Variants in DLX3 observed in about 807,000 individuals in gnomAD.
DLX3 encodes homeobox protein DLX-3.
A neutral mutation model predicts 28.0 loss-of-function variants in DLX3; 9 were observed. The observed-to-expected ratio is 0.32, with a 90% CI of 0.19 to 0.56. The LOEUF (loss-of-function observed/expected upper bound fraction) is 0.56. Ranked by LOEUF, DLX3 falls within the 20% of genes least tolerant of loss-of-function variation. DLX3 has a pLI of 0.91. For missense variants in DLX3, 313 were observed against 378.2 expected (o/e 0.83, Z 1.43); for synonymous variants, 154 against 167.9 (o/e 0.92, Z 0.64).
rs960249725 is a variant in DLX3 at position 49,991,324 on chromosome 17, G to T, written c.*193C>A. 11 of 586,170 alleles carry T rather than the reference G, an allele frequency of 1.9e-5. No individual in the cohort carries two copies. Among genetic ancestry groups the T allele is most frequent in the African/African-American group, 1.3e-4 (7 of 53,508 alleles). The allele number at this position is 586,170 out of a possible 1,614,324, so 36.3% of individuals were successfully genotyped here. A position where few individuals can be genotyped will look rare whatever the true frequency, so the allele number is the denominator to read the frequency against. ...TACCCCAGTGTCTAGGCAGAGGGAG[G>T]GAGGTTCAGGGGGCATCCTTGGTCC... On this transcript the variant is annotated 3_prime_UTR_variant, in exon 3 of 3. Transcript: ENST00000434704.
At chr17:49,993,213 A>G (rs1906153084) in intron 2 of DLX3, among the ~76,000 whole-genome samples, 187 bp downstream of exon 2, 1 of 152,234 alleles carries the variant, frequency 6.6e-6, no homozygotes, top group Non-Finnish European at 1.5e-5. Flanking sequence ...CGGGTTCACA[A>G]CTATGCTCAC....
At position 49,991,377 on chromosome 17, in the gene DLX3, G is replaced by T; in HGVS notation, c.*140C>A. 1.3e-6 allele frequency: 1 copy of T among 764,692 alleles called. No homozygotes were observed. 47.4% of individuals were successfully genotyped at this position (764,692 alleles called of 1,614,324 possible). ...GCAATTGTCATCTGGAAGCGCTTGG[G>T]TCCCTGGAGGAAGGGGCAAGGGAGG... On this transcript the variant is annotated 3_prime_UTR_variant, in exon 3 of 3. Transcript: ENST00000434704.
chr17:49,993,637 C>G, intron 1 of DLX3, 47 bp from the exon 2 acceptor site: 1 of 1,590,434 alleles, frequency 6.3e-7, no homozygotes, highest in South Asian at 1.1e-5. Flanking sequence ...CAGCCTCGGC[C>G]TGCGACTCCT....
chr17:49,994,612 C>T, intron 1 of DLX3, 62 bp downstream of exon 1: 3 of 1,595,122 alleles, frequency 1.9e-6, no homozygotes, highest in South Asian at 1.1e-5. Context: ...CAGTCCATGC[C>T]TTTTCCTCCC....
intron 1 of DLX3, among the ~76,000 whole-genome samples, chr17:49,993,939 T>TC (rs1906192572): frequency 6.6e-6 from 1 of 151,924 alleles, no homozygotes; most frequent in South Asian, 2.1e-4. Flanking sequence ...GCCGCCCCCT[T>TC]CCCAGTCCCA....
chr17:49,992,259 C>T (rs1311627262), intron 2 of DLX3, among the ~76,000 whole-genome samples: 6 of 152,088 alleles, frequency 3.9e-5, no homozygotes, highest in Admixed American at 2.6e-4. Context: ...AATAAAAGGC[C>T]GTTGAGGTGG....
Position 49,991,942 on chromosome 17 carries a change from A to G in DLX3, c.517-78T>C, listed in dbSNP as rs953323200. Reference sequence around the variant, plus strand: ...ACCCTGGGAAGAACCTAGCCAAGAAAAAGAAAGGCCAGAACCCAATTTCAC... The same window carrying G: ...ACCCTGGGAAGAACCTAGCCAAGAAGAAGAAAGGCCAGAACCCAATTTCAC... On this transcript the variant is annotated intron_variant, in intron 2 of 2. Transcript: ENST00000434704. The G allele has an allele frequency of 1.4e-5, 20 of 1,436,300 alleles. No homozygotes were observed. In the Admixed American group the frequency reaches 3.6e-4, roughly 26 times the overall value. 89.0% of individuals were successfully genotyped at this position (1,436,300 alleles called of 1,614,324 possible). A position where few individuals can be genotyped will look rare whatever the true frequency, so the allele number is the denominator to read the frequency against.
At position 49,995,204 on chromosome 17, in the gene DLX3, C is replaced by G. The variant is rs1906237566; in HGVS notation, c.-206G>C. On this transcript the variant is annotated 5_prime_UTR_variant, in exon 1 of 3. Transcript: ENST00000434704. ...GGTCGCTGCGCGCCTCTCCTCGCGT[C>G]CCAAGCCACAATCAAATGCTGCCAG... is the stretch of plus-strand genomic sequence containing the variant. 8 of 656,642 alleles carry G rather than the reference C, an allele frequency of 1.2e-5. No individual in the cohort carries two copies. Among genetic ancestry groups the G allele is most frequent in the Non-Finnish European group, 2.1e-5 (8 of 377,178 alleles). The allele number at this position is 656,642 out of a possible 1,614,324, so 40.7% of individuals were successfully genotyped here.
Position 49,995,017 on chromosome 17 carries a change from TC to T in DLX3, c.-20del. 1 of 1,607,518 alleles carries T rather than the reference TC, an allele frequency of 6.2e-7. No individual in the cohort carries two copies. ...CACTCATCCTGGCGGGCGCTGCACC[TC>T]CCCAGGGCTGGCCTCCGCAGAGGAC... is the stretch of plus-strand genomic sequence containing the variant. On this transcript the variant is annotated 5_prime_UTR_variant, in exon 1 of 3. Transcript: ENST00000434704.
chr17:49,993,631 C>T, intron 1 of DLX3, 41 bp from the exon 2 acceptor site: 1 of 1,602,938 alleles, frequency 6.2e-7, no homozygotes, highest in Non-Finnish European at 8.5e-7. Flanking sequence ...GCGGTTCAGC[C>T]TCGGCCTGCG....
In DLX3 at chr17:49,991,368, A is replaced by G. The variant is rs2144181721; in HGVS notation, c.*149T>C. On this transcript the variant is annotated 3_prime_UTR_variant, in exon 3 of 3. Coordinates refer to ENST00000434704, the MANE Select transcript of DLX3 (RefSeq NM_005220.3). ...TTGGTCCATGCAATTGTCATCTGGA[A>G]GCGCTTGGGTCCCTGGAGGAAGGGG... is the stretch of plus-strand genomic sequence containing the variant. 2 of 702,506 alleles carry G rather than the reference A, an allele frequency of 2.8e-6. No homozygotes were observed. The highest frequency in any genetic ancestry group is 4.7e-6 in the Non-Finnish European group (2 of 430,086). The allele number at this position is 702,506 out of a possible 1,614,324, so 43.5% of individuals were successfully genotyped here. A position where few individuals can be genotyped will look rare whatever the true frequency, so the allele number is the denominator to read the frequency against.
At chr17:49,993,286 A>T in intron 2 of DLX3, 114 bp downstream of exon 2, 1 of 1,143,908 alleles carries the variant, frequency 8.7e-7, no homozygotes, top group African/African-American at 1.6e-5. Flanking sequence ...CCCATCCCAA[A>T]GGCAAGAGTT....
intron 2 of DLX3, 122 bp downstream of exon 2, chr17:49,993,278 C>T (rs1906156030): frequency 9.7e-7 from 1 of 1,035,540 alleles, no homozygotes; most frequent in Admixed American, 2.6e-5. Context: ...CGCAGGCCCC[C>T]ATCCCAAAGG....
rs1906077771 is a variant in DLX3 at position 49,991,334 on chromosome 17, G to A, written c.*183C>T. On this transcript the variant is annotated 3_prime_UTR_variant, in exon 3 of 3. Coordinates refer to ENST00000434704, the MANE Select transcript of DLX3 (RefSeq NM_005220.3). ...TCTAGGCAGAGGGAGGGAGGTTCAGGGGGCATCCTTGGTCCATGCAATTGT... is the reference window on the plus strand; with the variant it reads ...TCTAGGCAGAGGGAGGGAGGTTCAGAGGGCATCCTTGGTCCATGCAATTGT... The A allele has an allele frequency of 9.9e-6, 6 of 608,262 alleles. No homozygotes were observed. The highest frequency in any genetic ancestry group is 2.9e-6 in the Non-Finnish European group (1 of 350,498). 37.7% of individuals were successfully genotyped at this position (608,262 alleles called of 1,614,324 possible). A position where few individuals can be genotyped will look rare whatever the true frequency, so the allele number is the denominator to read the frequency against.
intron 2 of DLX3, among the ~76,000 whole-genome samples, chr17:49,993,184 G>A (rs1239401595): frequency 2.0e-5 from 3 of 152,210 alleles, no homozygotes; most frequent in Non-Finnish European, 4.4e-5. Context: ...TCTGGAGTAG[G>A]GGAACATACA....
intron 1 of DLX3, among the ~76,000 whole-genome samples, chr17:49,993,985 C>A (rs1306856070): frequency 1.3e-5 from 2 of 152,050 alleles, no homozygotes; most frequent in African/African-American, 4.8e-5. Context: ...TCCTTCCCGT[C>A]CGCCCCCCGC....
At chr17:49,993,688 C>T in intron 1 of DLX3, 98 bp from the exon 2 acceptor site, 1 of 1,387,084 alleles carries the variant, frequency 7.2e-7, no homozygotes, top group Admixed American at 2.3e-5. Context: ...TCGCTTCCGC[C>T]CACCGACTCG....
chr17:49,991,333 G>A lies in DLX3; in HGVS notation c.*184C>T. On this transcript the variant is annotated 3_prime_UTR_variant, in exon 3 of 3. Transcript: ENST00000434704. Reference sequence around the variant, plus strand: ...GTCTAGGCAGAGGGAGGGAGGTTCAGGGGGCATCCTTGGTCCATGCAATTG... The same window carrying A: ...GTCTAGGCAGAGGGAGGGAGGTTCAAGGGGCATCCTTGGTCCATGCAATTG... The A allele has an allele frequency of 1.6e-6, 1 of 607,484 alleles. No homozygotes were observed. 37.6% of individuals were successfully genotyped at this position (607,484 alleles called of 1,614,324 possible). A position where few individuals can be genotyped will look rare whatever the true frequency, so the allele number is the denominator to read the frequency against.
chr17:49,993,666 G>T, intron 1 of DLX3, 76 bp from the exon 2 acceptor site: 1 of 1,515,652 alleles, frequency 6.6e-7, no homozygotes, highest in South Asian at 1.2e-5. Flanking sequence ...CCAGGGCCCC[G>T]CCGGACGCCC....
Sources: allele counts gnomAD v4.1 joint callset (sites outside exome capture counted in the v4.1 genomes callset), GRCh38; gene constraint gnomAD v4.1.1; transcripts MANE v1.5; gene names NCBI Gene and HGNC (gene_info 2026-07-23, HGNC 2026-07-21).